Variants in CCDC13 observed in about 807,000 individuals in gnomAD.
CCDC13 encodes coiled-coil domain containing 13.
Under a neutral mutation model 87.3 loss-of-function variants are expected in CCDC13, and 70 were observed. That is an observed-to-expected ratio of 0.80 (90% CI 0.66 to 0.98). CCDC13 has a LOEUF of 0.98. Ranked by LOEUF, CCDC13 falls within the 50% of genes least tolerant of loss-of-function variation. CCDC13 has a pLI of 0.00. For missense variants in CCDC13, 842 were observed against 892.0 expected, an observed-to-expected ratio of 0.94 and a Z score of 0.71; for synonymous variants, 317 against 360.3, an observed-to-expected ratio of 0.88 and a Z score of 1.36.
intron 3 of CCDC13, among the ~76,000 whole-genome samples, chr3:42,755,216 A>T (rs970162078): frequency 1.3e-5 from 2 of 152,342 alleles, no homozygotes; most frequent in African/African-American, 4.8e-5. Context: ...TACGAAAAAT[A>T]TAGTAAGCAA....
intron 12 of CCDC13, among the ~76,000 whole-genome samples, chr3:42,730,822 T>C (rs1443687734): frequency 6.6e-6 from 1 of 152,156 alleles, no homozygotes; most frequent in Non-Finnish European, 1.5e-5. Flanking sequence ...AGAGTTACAC[T>C]GGTACCTCTG....
intron 1 of CCDC13, among the ~76,000 whole-genome samples, chr3:42,769,249 T>C (rs1361756445): frequency 6.6e-6 from 1 of 152,202 alleles, no homozygotes; most frequent in Admixed American, 6.5e-5. Flanking sequence ...TCATATGTAA[T>C]CAGGAAATTG....
At position 42,739,675 on chromosome 3, in the gene CCDC13, C is replaced by T. The variant is rs771604118; in HGVS notation, c.1123G>A (p.Glu375Lys). 1.9e-6 allele frequency: 3 copies of T among 1,614,190 alleles called. No homozygotes were observed. The Admixed American group carries it at 5.0e-5, about 27-fold the overall frequency. Reference sequence around the variant, plus strand: ...AGCTCGTCATCATGCCGGCCCTTCTCCACCAGGGTTCCCATCTGACTCTTG... The same window carrying T: ...AGCTCGTCATCATGCCGGCCCTTCTTCACCAGGGTTCCCATCTGACTCTTG... The part of the protein sequence containing the change: ...TLKSQMGTLV[E>K]KGRHDDELID... Residue 375 changes from glutamate to lysine, a missense_variant, in exon 9 of 16, where the codon GAG becomes AAG. Transcript: ENST00000310232.
intron 14 of CCDC13, among the ~76,000 whole-genome samples, chr3:42,712,569 C>T (rs1466041144): frequency 5.9e-5 from 9 of 152,184 alleles, no homozygotes; most frequent in Non-Finnish European, 1.2e-4. Flanking sequence ...ACATATGCAA[C>T]CGTAAAAGGT....
chr3:42,741,388 T>C (rs1388428747), intron 8 of CCDC13, among the ~76,000 whole-genome samples: 1 of 152,156 alleles, frequency 6.6e-6, no homozygotes, highest in Non-Finnish European at 1.5e-5. Flanking sequence ...CTCCTCTTGC[T>C]CCAACCATGT....
intron 12 of CCDC13, 186 bp downstream of exon 12, chr3:42,732,701 C>T (rs1434165267): frequency 1.7e-6 from 1 of 587,514 alleles, no homozygotes; most frequent in East Asian, 2.9e-5. Flanking sequence ...GATTCTAGTT[C>T]TGAAGCTGCT....
chr3:42,739,365 A>C (rs978916617), intron 9 of CCDC13, among the ~76,000 whole-genome samples: 4 of 151,998 alleles, frequency 2.6e-5, no homozygotes, highest in African/African-American at 7.2e-5. Flanking sequence ...CCCCCAATAC[A>C]TTTCTGTCTC....
intron 10 of CCDC13, among the ~76,000 whole-genome samples, chr3:42,735,371 C>T (rs1052415028): frequency 6.6e-6 from 1 of 152,178 alleles, no homozygotes; most frequent in Non-Finnish European, 1.5e-5. Context: ...CTTTCCTTCT[C>T]TCATCCTGCT....
intron 15 of CCDC13, 42 bp from the exon 16 acceptor site, chr3:42,709,181 C>T (rs1698243564): frequency 6.4e-7 from 1 of 1,571,532 alleles, no homozygotes; most frequent in South Asian, 1.2e-5. Flanking sequence ...TGGAGCTGCA[C>T]ACAGGTGTGC....
chr3:42,713,403 G>A, intron 13 of CCDC13, 87 bp from the exon 14 acceptor site: 1 of 1,365,070 alleles, frequency 7.3e-7, no homozygotes, highest in Non-Finnish European at 1.0e-6. Flanking sequence ...AGAGAGATGG[G>A]CACATCTTAC....
intron 6 of CCDC13, 90 bp downstream of exon 6, chr3:42,747,167 G>T: frequency 1.0e-6 from 1 of 959,270 alleles, no homozygotes; most frequent in Non-Finnish European, 1.7e-6. Context: ...AGCACTCATG[G>T]CTCCAGAAAG....
intron 1 of CCDC13, among the ~76,000 whole-genome samples, chr3:42,771,389 G>C (rs1314986848): frequency 2.0e-5 from 3 of 152,146 alleles, no homozygotes; most frequent in African/African-American, 4.8e-5. Flanking sequence ...AGGTGAAACT[G>C]TTCTGTATAC....
At chr3:42,723,374 T>A (rs968178445) in intron 13 of CCDC13, among the ~76,000 whole-genome samples, 1 of 152,236 alleles carries the variant, frequency 6.6e-6, no homozygotes, top group Admixed American at 6.5e-5. Flanking sequence ...CAAAGTCATC[T>A]GATGAGTAAC....
chr3:42,733,999 C>A (rs1698916950), intron 10 of CCDC13, among the ~76,000 whole-genome samples: 1 of 152,328 alleles, frequency 6.6e-6, no homozygotes. Flanking sequence ...CCTTCCTCAG[C>A]TGGAACACCT....
chr3:42,768,793 A>G (rs993628368), intron 1 of CCDC13, among the ~76,000 whole-genome samples: 13 of 152,200 alleles, frequency 8.5e-5, no homozygotes, highest in Admixed American at 4.6e-4. Flanking sequence ...GACTACATCC[A>G]ACATATACAA....
chr3:42,749,696 T>C lies in CCDC13; in HGVS notation c.603+2240A>G, dbSNP rs1387801935. 8.6e-6 allele frequency: 3 copies of C among 349,074 alleles called. No homozygotes were observed. In the Admixed American group the frequency reaches 1.1e-4, roughly 13 times the overall value. The allele number at this position is 349,074 out of a possible 1,614,324, so 21.6% of individuals were successfully genotyped here. ...AGAGTTCTTTCTTCCCAGAGTGAAA[T>C]TCCACAGGCTTTGTGGGGGACCTGG... On this transcript the variant is annotated intron_variant, in intron 5 of 15. Coordinates refer to ENST00000310232, the MANE Select transcript of CCDC13 (RefSeq NM_144719.4).
In CCDC13 at chr3:42,751,855, G is replaced by C. The variant is rs1452868383; in HGVS notation, c.603+81C>G. The stretch of plus-strand genomic sequence containing the variant: ...GGTTGGGGGTGGACCTCGGGTAGAG[G>C]TACCTACACACCTGTGGAGGAGGGG... On this transcript the variant is annotated intron_variant, in intron 5 of 15. Transcript: ENST00000310232. 2.4e-6 allele frequency: 3 copies of C among 1,275,476 alleles called. No individual in the cohort carries two copies. The African/African-American group carries it at 4.4e-5, about 19-fold the overall frequency. 79.0% of individuals were successfully genotyped at this position (1,275,476 alleles called of 1,614,324 possible).
intron 13 of CCDC13, among the ~76,000 whole-genome samples, chr3:42,726,229 A>C (rs967338720): frequency 6.6e-6 from 1 of 152,086 alleles, no homozygotes; most frequent in Non-Finnish European, 1.5e-5. Flanking sequence ...CTTAGTAGAG[A>C]TGGGGTTTCA....
chr3:42,725,207 C>T (rs1298496251), intron 13 of CCDC13, among the ~76,000 whole-genome samples: 1 of 152,076 alleles, frequency 6.6e-6, no homozygotes, highest in Non-Finnish European at 1.5e-5. Context: ...AAACAGTTCA[C>T]ATTATTGGTA....
Sources: allele counts gnomAD v4.1 joint callset (sites outside exome capture counted in the v4.1 genomes callset), GRCh38; gene constraint gnomAD v4.1.1; transcripts MANE v1.5; gene names NCBI Gene and HGNC (gene_info 2026-07-23, HGNC 2026-07-21).